ZCCHC7: variants seen among roughly 807,000 people sequenced by gnomAD.
ZCCHC7 encodes zinc finger CCHC-type containing 7.
ZCCHC7 carries 35 observed loss-of-function variants against 52.0 expected under a neutral mutation model. The observed-to-expected ratio is 0.67, with a 90% CI of 0.51 to 0.89. ZCCHC7 has a LOEUF of 0.89. Ranked by LOEUF, ZCCHC7 falls within the 40% of genes least tolerant of loss-of-function variation. The pLI, the probability that ZCCHC7 is intolerant of heterozygous loss-of-function variation, is 0.00. For synonymous variants in ZCCHC7, 217 were observed against 221.5 expected (o/e 0.98, Z 0.18); for missense variants, 574 against 649.1 (o/e 0.88, Z 1.26).
At chr9:37,307,868 A>G (rs1025599797) in intron 5 of ZCCHC7, among the ~76,000 whole-genome samples, 1 of 152,298 alleles carries the variant, frequency 6.6e-6, no homozygotes, top group Middle Eastern at 3.4e-3. Flanking sequence ...GGTGCATTTA[A>G]TAATGTTTTG....
At chr9:37,183,744 A>G (rs1822493209) in intron 2 of ZCCHC7, among the ~76,000 whole-genome samples, 1 of 152,228 alleles carries the variant, frequency 6.6e-6, no homozygotes. Flanking sequence ...CCTCACATCA[A>G]CAACCCCAAT....
chr9:37,137,453 G>A (rs936583910), intron 2 of ZCCHC7, among the ~76,000 whole-genome samples: 2 of 152,168 alleles, frequency 1.3e-5, no homozygotes, highest in African/African-American at 4.8e-5. Context: ...TGGATGTGAT[G>A]AAATGTTTTA....
intron 6 of ZCCHC7, among the ~76,000 whole-genome samples, chr9:37,346,083 A>G (rs1588702274): frequency 6.6e-6 from 1 of 151,792 alleles, no homozygotes; most frequent in Non-Finnish European, 1.5e-5. Context: ...GCTCACTGCA[A>G]CCTCCGCCTC....
At chr9:37,151,680 C>T (rs1820539105) in intron 2 of ZCCHC7, among the ~76,000 whole-genome samples, 1 of 152,046 alleles carries the variant, frequency 6.6e-6, no homozygotes, top group Non-Finnish European at 1.5e-5. Context: ...TGGTGCACAC[C>T]TGTAATCTCA....
chr9:37,198,822 A>T, intron 2 of ZCCHC7, among the ~76,000 whole-genome samples: 1 of 152,232 alleles, frequency 6.6e-6, no homozygotes, highest in East Asian at 1.9e-4. Flanking sequence ...TTGGTTAGAT[A>T]GGATAGGTGG....
rs571930536 is a variant in ZCCHC7, at chr9:37,285,147, G to A, written c.611-17041G>A. Among the ~76,000 whole-genome samples the A allele has an allele frequency of 2.6e-5, 4 of 152,174 alleles. No homozygotes were observed. In the East Asian group the frequency reaches 7.7e-4, roughly 29 times the overall value. On this transcript the variant is annotated intron_variant, in intron 2 of 8. Transcript: ENST00000336755. Reference sequence around the variant, plus strand: ...AAAATTGTCCAGATATCCAGCGCTTGGATTTTTGTTTGAGAAGTTTGAGGA... The same window carrying A: ...AAAATTGTCCAGATATCCAGCGCTTAGATTTTTGTTTGAGAAGTTTGAGGA...
chr9:37,144,333 A>G (rs117631933), intron 2 of ZCCHC7, among the ~76,000 whole-genome samples: 255 of 152,076 alleles, frequency 1.7e-3, no homozygotes, highest in Non-Finnish European at 2.8e-3. Context: ...GTTGAAAATC[A>G]TAAGTTGTAT....
intron 2 of ZCCHC7, among the ~76,000 whole-genome samples, chr9:37,175,735 T>A (rs999271447): frequency 6.6e-6 from 1 of 152,110 alleles, no homozygotes; most frequent in East Asian, 1.9e-4. Flanking sequence ...AGTGAGACTC[T>A]GTTTCAGTAA....
intron 6 of ZCCHC7, among the ~76,000 whole-genome samples, chr9:37,332,435 G>A (rs1222693197): frequency 2.0e-5 from 3 of 151,396 alleles, no homozygotes; most frequent in Non-Finnish European, 3.0e-5. Flanking sequence ...TTTGGAGAAT[G>A]ACTAAAATTT....
intron 2 of ZCCHC7, among the ~76,000 whole-genome samples, chr9:37,208,126 T>G (rs896711812): frequency 6.6e-6 from 1 of 152,196 alleles, no homozygotes; most frequent in Non-Finnish European, 1.5e-5. Context: ...AAGGTCTTAC[T>G]CTGTCACCCA....
At chr9:37,250,807 T>G (rs1042114467) in intron 2 of ZCCHC7, among the ~76,000 whole-genome samples, 1 of 152,218 alleles carries the variant, frequency 6.6e-6, no homozygotes. Flanking sequence ...CAGGCAGATC[T>G]TTCATTTATT....
chr9:37,322,629 T>G (rs1213388041), intron 5 of ZCCHC7, among the ~76,000 whole-genome samples: 1 of 150,558 alleles, frequency 6.6e-6, no homozygotes, highest in Non-Finnish European at 1.5e-5. Flanking sequence ...TCGAGTAGAC[T>G]TCGGCTGAAT....
intron 2 of ZCCHC7, among the ~76,000 whole-genome samples, chr9:37,176,277 G>A (rs1440760160): frequency 6.6e-6 from 1 of 152,110 alleles, no homozygotes; most frequent in African/African-American, 2.4e-5. Flanking sequence ...GTTTCACCGT[G>A]TTAGCCAGGA....
intron 2 of ZCCHC7, among the ~76,000 whole-genome samples, chr9:37,274,839 T>A (rs1045893570): frequency 2.6e-5 from 4 of 152,174 alleles, no homozygotes; most frequent in East Asian, 1.9e-4. Flanking sequence ...TGTTTTTTTT[T>A]TATATAGTGA....
At chr9:37,130,591 C>T (rs190155679) in intron 2 of ZCCHC7, among the ~76,000 whole-genome samples, 32 of 150,774 alleles carry the variant, frequency 2.1e-4, no homozygotes, top group Admixed American at 7.9e-4. Context: ...CTCCCGGGTT[C>T]ACGCCATTCT....
chr9:37,224,738 T>G (rs769535001), intron 2 of ZCCHC7, among the ~76,000 whole-genome samples: 1 of 151,888 alleles, frequency 6.6e-6, no homozygotes, highest in African/African-American at 2.4e-5. Context: ...TACTAGAGAG[T>G]AGTGAGATGC....
chr9:37,123,190 GGTGTGTGTGTGTGT>G (rs58690804), intron 1 of ZCCHC7, among the ~76,000 whole-genome samples: 63 of 148,820 alleles, frequency 4.2e-4, no homozygotes, highest in Middle Eastern at 3.5e-3. Flanking sequence ...CTGAGTCAAG[GGTGTGTGTGTGTGT>G]GTGTGTGTGT....
At chr9:37,150,966 GT>G (rs1316435254) in intron 2 of ZCCHC7, among the ~76,000 whole-genome samples, 114 of 130,580 alleles carry the variant, frequency 8.7e-4, no homozygotes, top group Middle Eastern at 4.0e-3. Context: ...GGGTTTTTTT[GT>G]TTTTTTTTTT....
intron 1 of ZCCHC7, among the ~76,000 whole-genome samples, chr9:37,125,952 A>G (rs941588298): frequency 2.6e-5 from 4 of 152,236 alleles, no homozygotes; most frequent in African/African-American, 7.2e-5. Flanking sequence ...CCTAGGAGCA[A>G]TAGACCATAC....
Sources: allele counts gnomAD v4.1 joint callset (sites outside exome capture counted in the v4.1 genomes callset), GRCh38; gene constraint gnomAD v4.1.1; transcripts MANE v1.5; gene names NCBI Gene and HGNC (gene_info 2026-07-23, HGNC 2026-07-21).